CPT2: variants seen among roughly 807,000 people sequenced by gnomAD.
CPT2 encodes carnitine O-palmitoyltransferase 2, mitochondrial.
Under a neutral mutation model 48.6 loss-of-function variants are expected in CPT2, and 37 were observed. That is an observed-to-expected ratio of 0.76 (90% CI 0.59 to 1.00). The LOEUF is 1.00. CPT2 is among the 50% of genes least tolerant of loss of function. CPT2 has a pLI of 0.00. For missense variants in CPT2, 772 were observed against 825.6 expected, an observed-to-expected ratio of 0.94 and a Z score of 0.80; for synonymous variants, 319 against 326.9, an observed-to-expected ratio of 0.98 and a Z score of 0.26.
intron 2 of CPT2, 188 bp downstream of exon 2, chr1:53,200,987 T>C: frequency 3.0e-6 from 2 of 656,344 alleles, no homozygotes; most frequent in South Asian, 3.2e-5. Context: ...GCCCCGAGAG[T>C]TCCTCTAAAC....
chr1:53,210,484 G>A lies in CPT2; in HGVS notation c.810G>A (p.Gln270=). 2 of 1,614,054 alleles carry A rather than the reference G, an allele frequency of 1.2e-6. No homozygotes were observed. ...ACATTGTGAGCCCCTCGGAAATCCA[G>A]GCACATCTGAAGTACATTCTCTCAG... is the stretch of plus-strand genomic sequence containing the variant. ...DGNIVSPSEI[Q]AHLKYILSDS... is the part of the protein sequence containing the mutation. Residue 270 remains glutamine, a synonymous_variant, in exon 4 of 5, where the codon CAG becomes CAA. Transcript: ENST00000371486.
At chr1:53,206,814 T>C (rs961549119) in intron 3 of CPT2, among the ~76,000 whole-genome samples, 3 of 152,218 alleles carry the variant, frequency 2.0e-5, no homozygotes, top group African/African-American at 4.8e-5. Context: ...GCTTGTAATT[T>C]TGAGTTAATG....
chr1:53,203,212 T>G (rs1388220961), intron 3 of CPT2: 1 of 152,330 alleles, frequency 6.6e-6, no homozygotes, highest in Non-Finnish European at 1.5e-5. Flanking sequence ...TTTGCTTTAG[T>G]CATTAGCTAT....
Position 53,210,566 on chromosome 1 carries a change from A to G in CPT2, c.892A>G (p.Ile298Val). The change falls in exon 4 of 5, where the codon ATC becomes GTC. Residue 298 changes from isoleucine (I) to valine (V), a missense_variant. Ile to Val is a conservative substitution (Grantham distance 29). Transcript: ENST00000371486. ...LAYLTSENRDIWAELRQKLMS... is the reference protein window; with the variant it reads ...LAYLTSENRDVWAELRQKLMS... ...ATACCTGACCAGTGAGAACCGAGAC[A>G]TCTGGGCAGAGCTCAGGCAGAAGCT... The G allele has an allele frequency of 6.2e-7, 1 of 1,614,162 alleles. No individual in the cohort carries two copies. The highest frequency in any genetic ancestry group is 1.1e-5 in the South Asian group (1 of 91,072).
In CPT2 at chr1:53,202,403, A is replaced by G. The variant is rs753737707; in HGVS notation, c.314A>G (p.Gln105Arg). ...LHEQLVALDK[Q>R]NKHTSYISGP... ...GAGCAGCTGGTTGCTCTGGACAAAC[A>G]GAATAAACATACAAGCTACATTTCG... Residue 105 changes from glutamine to arginine, a missense_variant, in exon 3 of 5, where the codon CAG becomes CGG. Physicochemically the swap from Gln to Arg is conservative, Grantham distance 43. Transcript: ENST00000371486. The G allele has an allele frequency of 1.2e-6, 2 of 1,614,098 alleles. No homozygotes were observed. The highest frequency in any genetic ancestry group is 1.7e-6 in the Non-Finnish European group (2 of 1,179,914).
At chr1:53,206,702 C>G (rs1645391933) in intron 3 of CPT2, among the ~76,000 whole-genome samples, 1 of 152,216 alleles carries the variant, frequency 6.6e-6, no homozygotes, top group Non-Finnish European at 1.5e-5. Flanking sequence ...GAGCATTTAC[C>G]CAATGCTTGT....
chr1:53,211,537 G>C, intron 4 of CPT2: 1 of 584,006 alleles, frequency 1.7e-6, no homozygotes, highest in Non-Finnish European at 3.1e-6. Context: ...GTGGGGAAAT[G>C]CATGTGTCTT....
chr1:53,208,282 A>T (rs1044801481), intron 3 of CPT2: 1 of 152,220 alleles, frequency 6.6e-6, no homozygotes, highest in African/African-American at 2.4e-5. Context: ...ACTGATTCTC[A>T]AGGGATGGAA....
rs1458407905 is a variant in CPT2 at position 53,210,884 on chromosome 1, G to C, written c.1210G>C (p.Ala404Pro). Residue 404 changes from alanine (A) to proline (P), a missense_variant, in exon 4 of 5, where the codon GCT becomes CCT. Coordinates refer to ENST00000371486, the MANE Select transcript of CPT2 (RefSeq NM_000098.3). The part of the protein sequence containing the change: ...TPAVTPQSQP[A>P]TTDSTVTVQK... Reference sequence around the variant, plus strand: ...TGCCGTCACTCCACAGAGCCAGCCAGCTACCACTGACTCTACTGTCACGGT... The same window carrying C: ...TGCCGTCACTCCACAGAGCCAGCCACCTACCACTGACTCTACTGTCACGGT... 1 of 1,614,062 alleles carries C rather than the reference G, an allele frequency of 6.2e-7. No individual in the cohort carries two copies. Among genetic ancestry groups the C allele is most frequent in the Non-Finnish European group, 8.5e-7 (1 of 1,180,048 alleles).
chr1:53,213,675 TC>T lies in CPT2; in HGVS notation c.*83del. The T allele has an allele frequency of 7.6e-7, 1 of 1,318,862 alleles. No individual in the cohort carries two copies. Among genetic ancestry groups the T allele is most frequent in the Non-Finnish European group, 1.1e-6 (1 of 941,510 alleles). The allele number at this position is 1,318,862 out of a possible 1,614,324, so 81.7% of individuals were successfully genotyped here. On this transcript the variant is annotated 3_prime_UTR_variant, in exon 5 of 5. Coordinates refer to ENST00000371486, the MANE Select transcript of CPT2 (RefSeq NM_000098.3). ...CGGGCATGGTGGCTCATGCCTGTAA[TC>T]CCAGCATTTTGAGAGGCTGAGGCGG...
At chr1:53,213,230 CTGA>C in intron 4 of CPT2, 31 bp from the exon 5 acceptor site, 1 of 1,611,334 alleles carries the variant, frequency 6.2e-7, no homozygotes, top group South Asian at 1.1e-5. Context: ...CTTTTCCATC[CTGA>C]GACTCTGGTT....
At chr1:53,209,972 C>A in intron 3 of CPT2, 43 bp from the exon 4 acceptor site, 1 of 1,518,816 alleles carries the variant, frequency 6.6e-7, no homozygotes, top group Non-Finnish European at 9.1e-7. Flanking sequence ...TTTTTAGGGA[C>A]AGCATTAACA....
chr1:53,212,464 C>T (rs1214473680), intron 4 of CPT2, among the ~76,000 whole-genome samples: 2 of 152,048 alleles, frequency 1.3e-5, no homozygotes, highest in Non-Finnish European at 2.9e-5. Flanking sequence ...CCTCCCAAAG[C>T]ACTAGGATTA....
At chr1:53,206,420 C>T (rs948412951) in intron 3 of CPT2, among the ~76,000 whole-genome samples, 2 of 152,162 alleles carry the variant, frequency 1.3e-5, no homozygotes, top group African/African-American at 4.8e-5. Context: ...ATGGTAGATC[C>T]ACCGACAGTT....
At chr1:53,211,544 T>C in intron 4 of CPT2, 1 of 571,434 alleles carries the variant, frequency 1.7e-6, no homozygotes, top group Non-Finnish European at 3.1e-6. Context: ...AATGCATGTG[T>C]CTTTGTCCTC....
chr1:53,212,112 T>C (rs1645432737), intron 4 of CPT2, among the ~76,000 whole-genome samples: 1 of 147,590 alleles, frequency 6.8e-6, no homozygotes, highest in Non-Finnish European at 1.5e-5. Flanking sequence ...TTGCCCAGGC[T>C]GGAGTGCAGT....
In CPT2 at chr1:53,213,584, A is replaced by G; in HGVS notation, c.1966A>G (p.Ile656Val). Residue 656 changes from isoleucine (I) to valine (V), a missense_variant, in exon 5 of 5, where the codon ATC (isoleucine) becomes GTC (valine). Transcript: ENST00000371486. ...GTTTGATGCCTTAGAAGGCAAATCC[A>G]TCAAAAGTTAACTTCTGGGCAGATG... Reference protein sequence around the residue: ...DMFDALEGKSIKS With the variant: ...DMFDALEGKSVKS 1 of 1,613,464 alleles carries G rather than the reference A, an allele frequency of 6.2e-7. No individual in the cohort carries two copies. The highest frequency in any genetic ancestry group is 8.5e-7 in the Non-Finnish European group (1 of 1,179,956).
rs181556146 is a variant in CPT2 at position 53,208,813 on chromosome 1, A to C, written c.341-1202A>C. ...AAAAAGCAATTAATAAACATTAGGA[A>C]AATGCAAACCAAATCTGCAATGCTA... is the stretch of plus-strand genomic sequence containing the variant. On this transcript the variant is annotated intron_variant, in intron 3 of 4. Transcript: ENST00000371486. The C allele has an allele frequency of 4.3e-3, 660 of 152,346 alleles. 4 individuals carry two copies. Among genetic ancestry groups the C allele is most frequent in the African/African-American group, 0.015 (625 of 41,584 alleles). 9.4% of individuals were successfully genotyped at this position (152,346 alleles called of 1,614,324 possible). A position where few individuals can be genotyped will look rare whatever the true frequency, so the allele number is the denominator to read the frequency against.
chr1:53,205,649 G>T (rs1645382928), intron 3 of CPT2, among the ~76,000 whole-genome samples: 1 of 152,242 alleles, frequency 6.6e-6, no homozygotes, highest in South Asian at 2.1e-4. Context: ...GATCTTTACA[G>T]TAGCCCCTCC....
Sources: allele counts gnomAD v4.1 joint callset (sites outside exome capture counted in the v4.1 genomes callset), GRCh38; gene constraint gnomAD v4.1.1; transcripts MANE v1.5; gene names NCBI Gene and HGNC (gene_info 2026-07-23, HGNC 2026-07-21).